The following EXOC6 variants were observed in gnomAD, a reference collection of about 807,000 sequenced individuals.
The protein encoded by EXOC6 is exocyst complex component 6.
EXOC6 carries 60 observed loss-of-function variants against 112.5 expected under a neutral mutation model. The observed-to-expected ratio is 0.53, with a 90% CI of 0.43 to 0.66. EXOC6 has a LOEUF of 0.66. Among genes scored for constraint, EXOC6 ranks in the 30% least tolerant of loss-of-function variants. The pLI, the probability that EXOC6 is intolerant of heterozygous loss-of-function variation, is 0.00. For missense variants in EXOC6, 855 were observed against 957.1 expected, an observed-to-expected ratio of 0.89 and a Z score of 1.41; for synonymous variants, 295 against 308.0, an observed-to-expected ratio of 0.96 and a Z score of 0.44.
chr10:92,997,597 G>A lies in EXOC6; in HGVS notation c.2077G>A (p.Asp693Asn), dbSNP rs758390570. Reference sequence around the variant, plus strand: ...GGGAGCTGTTCAGCAGTTTAACTTAGATGTCATACAGTGTGAATGTAAGTA... The same window carrying A: ...GGGAGCTGTTCAGCAGTTTAACTTAAATGTCATACAGTGTGAATGTAAGTA... The part of the protein sequence containing the change: ...SMGAVQQFNL[D>N]VIQCELFASS... Residue 693 changes from aspartate to asparagine, a missense_variant, in exon 19 of 22, where the codon GAT becomes AAT. By Grantham distance (23) the Asp-to-Asn change is conservative (BLOSUM62 1). Around this residue, in one of 2 missense-constraint regions of EXOC6, gnomAD observed 450 missense variants for 563.5 expected, o/e 0.80. Coordinates refer to ENST00000260762, the MANE Select transcript of EXOC6 (RefSeq NM_019053.6). 1.2e-6 allele frequency: 2 copies of A among 1,611,914 alleles called. No individual in the cohort carries two copies. The highest frequency in any genetic ancestry group is 3.3e-5 in the Admixed American group (2 of 59,882).
intron 20 of EXOC6, among the ~76,000 whole-genome samples, chr10:93,016,625 T>G (rs11187242): frequency 6.6e-6 from 1 of 152,160 alleles, no homozygotes; most frequent in African/African-American, 2.4e-5. Context: ...AGAAACATTG[T>G]CAAATAAGAA....
At chr10:93,010,461 T>G (rs1844186522) in intron 19 of EXOC6, among the ~76,000 whole-genome samples, 1 of 152,104 alleles carries the variant, frequency 6.6e-6, no homozygotes, top group African/African-American at 2.4e-5. Flanking sequence ...CACAGCACTT[T>G]GGGAGACCGA....
At chr10:92,873,410 A>G (rs1266217265) in intron 1 of EXOC6, among the ~76,000 whole-genome samples, 2 of 152,222 alleles carry the variant, frequency 1.3e-5, no homozygotes, top group Non-Finnish European at 2.9e-5. Flanking sequence ...GCGTGGAAAC[A>G]GGATACTATT....
chr10:92,996,440 A>G (rs1843490582), intron 18 of EXOC6, among the ~76,000 whole-genome samples: 2 of 152,056 alleles, frequency 1.3e-5, no homozygotes, highest in Admixed American at 1.3e-4. Flanking sequence ...ACATGGTGAA[A>G]CTCTGTCTCT....
intron 20 of EXOC6, among the ~76,000 whole-genome samples, chr10:93,029,911 CTT>C (rs202117289): frequency 9.9e-5 from 14 of 141,444 alleles, no homozygotes; most frequent in Non-Finnish European, 9.3e-5. Flanking sequence ...TTTCTTTTTT[CTT>C]TTTTTTTTTT....
intron 1 of EXOC6, among the ~76,000 whole-genome samples, chr10:92,883,601 A>G (rs1849067645): frequency 6.6e-6 from 1 of 152,184 alleles, no homozygotes; most frequent in African/African-American, 2.4e-5. Context: ...ATATAAAATT[A>G]AGATTTATAT....
chr10:92,944,169 T>G (rs899259878), intron 13 of EXOC6, among the ~76,000 whole-genome samples: 2 of 152,324 alleles, frequency 1.3e-5, no homozygotes, highest in Admixed American at 6.5e-5. Context: ...TTTTGGCTAT[T>G]GTGAATAATT....
chr10:93,037,912 C>T (rs1035262765), intron 20 of EXOC6, among the ~76,000 whole-genome samples: 1 of 150,854 alleles, frequency 6.6e-6, no homozygotes, highest in Non-Finnish European at 1.5e-5. Context: ...CGGTGGCGGG[C>T]GCCCGTAATC....
intron 7 of EXOC6, 35 bp downstream of exon 7, chr10:92,915,948 A>G: frequency 1.1e-5 from 16 of 1,432,128 alleles, no homozygotes; most frequent in Non-Finnish European, 1.4e-5. Context: ...CTATTATTAG[A>G]TAATTTTTTT....
In EXOC6 at chr10:92,938,793, T is replaced by A. The variant is rs115217008; in HGVS notation, c.1213-1934T>A. On this transcript the variant is annotated intron_variant, in intron 12 of 21. Transcript: ENST00000260762. ...TTTACTTACTTGTAAACGAATAAAA[T>A]GTTTAATAAGGCATCCTAATGCAGC... Among the ~76,000 whole-genome samples, 336 of 152,252 alleles carry A rather than the reference T, an allele frequency of 2.2e-3. 1 individual carries two copies. Among genetic ancestry groups the A allele is most frequent in the African/African-American group, 7.4e-3 (309 of 41,554 alleles).
In EXOC6 at chr10:92,859,820, C is replaced by CGT. The variant is rs1564779063; in HGVS notation, c.101+11186_101+11187insGT. Among the ~76,000 whole-genome samples, 871 of 103,466 alleles carry CGT rather than the reference C, an allele frequency of 8.4e-3. 1 individual carries two copies. Among genetic ancestry groups the CGT allele is most frequent in the African/African-American group, 0.026 (701 of 26,764 alleles). 67.9% of individuals were successfully genotyped at this position (103,466 alleles called of 152,430 possible). ...CTGTGTGTGTGTGCACGTTTGTGTG[C>CGT]ATGTGTGTGTGTGTGTGTGTGTGTG... On this transcript the variant is annotated intron_variant, in intron 1 of 21. Transcript: ENST00000260762.
At chr10:92,988,501 T>C (rs1389608786) in intron 18 of EXOC6, among the ~76,000 whole-genome samples, 1 of 152,170 alleles carries the variant, frequency 6.6e-6, no homozygotes, top group Non-Finnish European at 1.5e-5. Context: ...CAACAGTGTC[T>C]CCTTACTTCA....
intron 17 of EXOC6, 134 bp downstream of exon 17, chr10:92,955,848 A>G (rs1346455442): frequency 5.4e-6 from 4 of 743,176 alleles, no homozygotes; most frequent in Non-Finnish European, 6.2e-6. Flanking sequence ...ATTGTCAACA[A>G]TGAGCAAGTA....
chr10:92,927,060 A>G (rs1851764712), intron 8 of EXOC6, among the ~76,000 whole-genome samples: 1 of 152,226 alleles, frequency 6.6e-6, no homozygotes, highest in African/African-American at 2.4e-5. Flanking sequence ...CGTATAGGAT[A>G]CCTAGGTAAA....
At chr10:93,055,443 T>C (rs911847317) in intron 20 of EXOC6, among the ~76,000 whole-genome samples, 4 of 152,170 alleles carry the variant, frequency 2.6e-5, no homozygotes, top group South Asian at 4.1e-4. Context: ...TTCCAAGAAG[T>C]AGGATTGCTG....
chr10:92,927,537 A>G (rs1851791687), intron 8 of EXOC6, among the ~76,000 whole-genome samples: 1 of 152,190 alleles, frequency 6.6e-6, no homozygotes. Flanking sequence ...ATTTAAATGT[A>G]AAAGTCAGTG....
At chr10:92,891,277 G>A (rs1042231445) in intron 1 of EXOC6, among the ~76,000 whole-genome samples, 2 of 152,102 alleles carry the variant, frequency 1.3e-5, no homozygotes, top group East Asian at 3.9e-4. Flanking sequence ...TCAGGGCAGA[G>A]ATAAAAATTT....
At chr10:92,847,234 T>C (rs1021961639), upstream of EXOC6, among the ~76,000 whole-genome samples, 2 of 152,216 alleles carry the variant, frequency 1.3e-5, no homozygotes, top group Admixed American at 1.3e-4. Context: ...TCATACACCA[T>C]GGGACAGCAA....
rs10617958 is a variant in EXOC6, at chr10:92,859,821, ATGTGTGTGTGTG to A, written c.101+11217_101+11228del. Among the ~76,000 whole-genome samples the A allele has an allele frequency of 5.4e-3, 760 of 141,624 alleles. 5 individuals are homozygous for A. Among genetic ancestry groups the A allele is most frequent in the South Asian group, 0.024 (106 of 4,332 alleles). The allele number at this position is 141,624 out of a possible 152,430, so 92.9% of individuals were successfully genotyped here. On this transcript the variant is annotated intron_variant, in intron 1 of 21. Transcript: ENST00000260762. ...TGTGTGTGTGTGCACGTTTGTGTGC[ATGTGTGTGTGTG>A]TGTGTGTGTGTGTGTGTGTGTGTGT... is the stretch of plus-strand genomic sequence containing the variant.
Sources: gnomAD v4.1 joint callset for allele counts (sites outside exome capture counted in the v4.1 genomes callset) on GRCh38, gnomAD v4.1.1 for gene constraint, gnomAD v4.1.1 regional missense constraint, MANE v1.5 for transcripts, NCBI Gene and HGNC (gene_info 2026-07-23, HGNC 2026-07-21) for gene names.